DHX9: variants seen among roughly 807,000 people sequenced by gnomAD.
DHX9 encodes the protein ATP-dependent RNA helicase A.
Under a neutral mutation model 148.7 loss-of-function variants are expected in DHX9, and 27 were observed. The ratio of observed to expected loss-of-function variants is 0.18; its 90% CI spans 0.13 to 0.25. The LOEUF (loss-of-function observed/expected upper bound fraction) is 0.25, where lower values mean the gene tolerates loss of function less well. Ranked by LOEUF, DHX9 falls within the 10% of genes least tolerant of loss-of-function variation. The probability of loss-of-function intolerance (pLI) is 1.00; values close to 1 mark genes in which losing one functional copy is unlikely to be tolerated. For missense variants in DHX9, 796 were observed against 1,559.6 expected (o/e 0.51, Z 8.25); for synonymous variants, 529 against 516.6 (o/e 1.02, Z -0.33).
chr1:182,872,273 T>G, intron 14 of DHX9, 64 bp from the exon 15 acceptor site: 2 of 1,399,026 alleles, frequency 1.4e-6, no homozygotes, highest in Non-Finnish European at 2.0e-6. Context: ...TATAACTCTT[T>G]TAGGCATAGC....
At chr1:182,853,007 A>C (rs1571301831) in intron 4 of DHX9, among the ~76,000 whole-genome samples, 1 of 104,152 alleles carries the variant, frequency 9.6e-6, no homozygotes, top group African/African-American at 8.1e-5. Flanking sequence ...GCTCACTGCA[A>C]CCTCCACCTC....
At chr1:182,874,257 C>T (rs1168965609) in intron 15 of DHX9, among the ~76,000 whole-genome samples, 3 of 152,158 alleles carry the variant, frequency 2.0e-5, no homozygotes, top group South Asian at 2.1e-4. Flanking sequence ...TTGGCAGGCA[C>T]TACCACAGGT....
intron 12 of DHX9, among the ~76,000 whole-genome samples, chr1:182,865,106 A>G (rs1648231399): frequency 6.6e-6 from 1 of 152,228 alleles, no homozygotes; most frequent in South Asian, 2.1e-4. Context: ...TAGGGAAGAC[A>G]GTAGTAGAAA....
chr1:182,871,913 T>C (rs1490893295), intron 14 of DHX9, among the ~76,000 whole-genome samples: 1 of 152,198 alleles, frequency 6.6e-6, no homozygotes, highest in Non-Finnish European at 1.5e-5. Context: ...TTCAAGTGAT[T>C]ATCCTGCCTC....
In DHX9 at chr1:182,887,561, C is replaced by G. The variant is rs895441092; in HGVS notation, c.*127C>G. 1.2e-6 allele frequency: 1 copy of G among 832,952 alleles called. No homozygotes were observed. The highest frequency in any genetic ancestry group is 1.7e-5 in the African/African-American group (1 of 58,192). 51.6% of individuals were successfully genotyped at this position (832,952 alleles called of 1,614,324 possible). A position where few individuals can be genotyped will look rare whatever the true frequency, so the allele number is the denominator to read the frequency against. On this transcript the variant is annotated 3_prime_UTR_variant, in exon 28 of 28. Transcript: ENST00000367549. Reference sequence around the variant, plus strand: ...ATGCATTTTCACCCATTCTGTGGTTCATTGTAGTTTAAGGAAACCAAGCAT... The same window carrying G: ...ATGCATTTTCACCCATTCTGTGGTTGATTGTAGTTTAAGGAAACCAAGCAT...
intron 3 of DHX9, among the ~76,000 whole-genome samples, chr1:182,849,293 A>G (rs2102592460): frequency 6.6e-6 from 1 of 152,298 alleles, no homozygotes; most frequent in South Asian, 2.1e-4. Flanking sequence ...TGGCTGCAAC[A>G]CTTTCAATTT....
Position 182,887,365 on chromosome 1 carries a change from G to A in DHX9, c.3744G>A (p.Gln1248=). Residue 1248 remains glutamine, a synonymous_variant, in exon 28 of 28, where the codon CAG becomes CAA. Coordinates refer to ENST00000367549, the MANE Select transcript of DHX9 (RefSeq NM_001357.5). ...GCTACAGAGGATCTGGGGGATTCCA[G>A]CGAGGAGGTGGTAGGGGGGCCTATG... is the stretch of plus-strand genomic sequence containing the variant. ...SGGYRGSGGF[Q]RGGGRGAYGT... 6.2e-7 allele frequency: 1 copy of A among 1,614,162 alleles called. No homozygotes were observed. Among genetic ancestry groups the A allele is most frequent in the Non-Finnish European group, 8.5e-7 (1 of 1,180,022 alleles).
chr1:182,872,194 T>G (rs1473616165), intron 14 of DHX9, 143 bp from the exon 15 acceptor site: 2 of 635,556 alleles, frequency 3.1e-6, no homozygotes, highest in East Asian at 5.4e-5. Context: ...AAAGATCCAT[T>G]GTGGTCCTTT....
intron 19 of DHX9, 69 bp from the exon 20 acceptor site, chr1:182,877,952 C>G: frequency 1.3e-6 from 2 of 1,523,382 alleles, no homozygotes; most frequent in Non-Finnish European, 9.0e-7. Context: ...GCATTCACTA[C>G]TTAGTGGATA....
chr1:182,839,675 C>T (rs1244721359), intron 1 of DHX9: 1 of 152,246 alleles, frequency 6.6e-6, no homozygotes, highest in African/African-American at 2.4e-5. Context: ...GGCCCCCTCC[C>T]CTCTCCTCCG....
In DHX9 at chr1:182,856,484, G is replaced by A. The variant is rs750242198; in HGVS notation, c.627-48G>A. On this transcript the variant is annotated intron_variant, in intron 6 of 27. Coordinates refer to ENST00000367549, the MANE Select transcript of DHX9 (RefSeq NM_001357.5). ...CTGACTTGGGAGACCTGGATTTGCT[G>A]GTTTCTAACAGTGAAATTTCTAACC... The A allele has an allele frequency of 3.2e-6, 5 of 1,568,958 alleles. No individual in the cohort carries two copies. In the Admixed American group the frequency reaches 8.5e-5, roughly 27 times the overall value.
At chr1:182,886,038 T>TA (rs2102624134) in intron 27 of DHX9, among the ~76,000 whole-genome samples, 1 of 152,266 alleles carries the variant, frequency 6.6e-6, no homozygotes, top group South Asian at 2.1e-4. Context: ...TAAATTACAG[T>TA]AGTAGAATTG....
intron 7 of DHX9, 114 bp from the exon 8 acceptor site, chr1:182,857,990 C>G: frequency 3.8e-6 from 4 of 1,043,188 alleles, no homozygotes; most frequent in Non-Finnish European, 5.5e-6. Flanking sequence ...GAAGCCATGG[C>G]ATACCCTGTA....
At position 182,887,437 on chromosome 1, in the gene DHX9, C is replaced by G; in HGVS notation, c.*3C>G. On this transcript the variant is annotated 3_prime_UTR_variant, in exon 28 of 28. Coordinates refer to ENST00000367549, the MANE Select transcript of DHX9 (RefSeq NM_001357.5). ...GAAGAGGAGGTGGCGGCTATTAAAA[C>G]TTGGTTATGTCAGTTCCTGTGTGTA... The G allele has an allele frequency of 1.2e-6, 2 of 1,611,508 alleles. No homozygotes were observed. The highest frequency in any genetic ancestry group is 1.3e-5 in the African/African-American group (1 of 74,948).
intron 7 of DHX9, among the ~76,000 whole-genome samples, chr1:182,857,691 C>A (rs1668280750): frequency 6.6e-6 from 1 of 152,112 alleles, no homozygotes; most frequent in African/African-American, 2.4e-5. Flanking sequence ...TATTAATTGA[C>A]CGTTTATAGA....
At chr1:182,886,986 A>G (rs1649359127) in intron 27 of DHX9, 97 bp from the exon 28 acceptor site, 1 of 1,164,002 alleles carries the variant, frequency 8.6e-7, no homozygotes, top group African/African-American at 1.6e-5. Context: ...CATTCCCTTT[A>G]TTAAATTTTC....
chr1:182,855,870 A>G (rs1346845740), intron 6 of DHX9, among the ~76,000 whole-genome samples: 2 of 152,234 alleles, frequency 1.3e-5, no homozygotes, highest in Non-Finnish European at 2.9e-5. Context: ...TTCCCTTGCT[A>G]AAACCTAAAT....
At chr1:182,876,748 T>C in intron 18 of DHX9, 82 bp from the exon 19 acceptor site, 1 of 1,106,484 alleles carries the variant, frequency 9.0e-7, no homozygotes. Flanking sequence ...TTTCTTGTCA[T>C]TTGTTACATA....
intron 12 of DHX9, among the ~76,000 whole-genome samples, chr1:182,864,996 A>C (rs1393199191): frequency 6.6e-6 from 1 of 152,216 alleles, no homozygotes; most frequent in Non-Finnish European, 1.5e-5. Context: ...TACCAGTAGC[A>C]TGTGAACACA....
Sources: allele counts gnomAD v4.1 joint callset (sites outside exome capture counted in the v4.1 genomes callset), GRCh38; gene constraint gnomAD v4.1.1; transcripts MANE v1.5; gene names NCBI Gene and HGNC (gene_info 2026-07-23, HGNC 2026-07-21).